The following SYNDIG1 variants were observed in gnomAD, a reference collection of about 807,000 sequenced individuals.
SYNDIG1 encodes the protein synapse differentiation inducing 1, also known as synapse differentiation-inducing gene protein 1.
Under a neutral mutation model 19.4 loss-of-function variants are expected in SYNDIG1, and 9 were observed. The observed-to-expected ratio is 0.46, with a 90% confidence interval of 0.28 to 0.81. SYNDIG1 has a LOEUF of 0.81. SYNDIG1 is among the 30% of genes least tolerant of loss of function. The pLI is 0.12. For synonymous variants in SYNDIG1, 141 were observed against 145.9 expected, an observed-to-expected ratio of 0.97 and a Z score of 0.24; for missense variants, 311 against 343.3, an observed-to-expected ratio of 0.91 and a Z score of 0.74.
intron 3 of SYNDIG1, among the ~76,000 whole-genome samples, chr20:24,640,481 G>GGAAGGAAA (rs2059364099): frequency 5.0e-5 from 2 of 39,912 alleles, no homozygotes; most frequent in African/African-American, 1.1e-4. Context: ...AAAGAAGGAA[G>GGAAGGAAA]GAAGGAAGGA....
intron 3 of SYNDIG1, among the ~76,000 whole-genome samples, chr20:24,646,990 T>C (rs2059428426): frequency 6.6e-6 from 1 of 152,206 alleles, no homozygotes; most frequent in African/African-American, 2.4e-5. Flanking sequence ...TGATAAACTA[T>C]TCAGCCTCAG....
intron 3 of SYNDIG1, among the ~76,000 whole-genome samples, chr20:24,625,013 A>G (rs1431305144): frequency 6.6e-6 from 1 of 152,254 alleles, no homozygotes; most frequent in Non-Finnish European, 1.5e-5. Flanking sequence ...ACATGAAAAT[A>G]TAATTTAAAA....
At chr20:24,526,918 G>A (rs1356420251) in intron 1 of SYNDIG1, among the ~76,000 whole-genome samples, 2 of 152,048 alleles carry the variant, frequency 1.3e-5, no homozygotes, top group Non-Finnish European at 2.9e-5. Flanking sequence ...TCTAGTTTTT[G>A]TTGCTATGTA....
rs551654793 is a variant in SYNDIG1, at chr20:24,646,683, G to A, written c.619-18663G>A. 6.6e-5 allele frequency among the ~76,000 whole-genome samples: 10 copies of A among 150,512 alleles called. No individual in the cohort carries two copies. The East Asian group carries it at 9.9e-4, about 15-fold the overall frequency. ...GTCACCGAGGCTGGAGTACAGTGGC[G>A]TGATGTCGGCTCTCTACAATGTCCG... On this transcript the variant is annotated intron_variant, in intron 3 of 3. Coordinates refer to ENST00000376862, the MANE Select transcript of SYNDIG1 (RefSeq NM_024893.3).
intron 1 of SYNDIG1, among the ~76,000 whole-genome samples, chr20:24,503,726 C>T (rs1337502018): frequency 6.6e-6 from 1 of 152,128 alleles, no homozygotes; most frequent in Non-Finnish European, 1.5e-5. Flanking sequence ...TGCTAACTTT[C>T]CTACAGCTCT....
At chr20:24,592,719 T>C (rs2058532456) in intron 3 of SYNDIG1, among the ~76,000 whole-genome samples, 1 of 152,180 alleles carries the variant, frequency 6.6e-6, no homozygotes, top group Non-Finnish European at 1.5e-5. Context: ...ACTCAACCTA[T>C]CCTCACACCT....
intron 2 of SYNDIG1, among the ~76,000 whole-genome samples, chr20:24,544,122 G>T (rs1334956711): frequency 1.3e-5 from 2 of 152,204 alleles, no homozygotes; most frequent in African/African-American, 4.8e-5. Context: ...TAGATGACTC[G>T]CTTCTTTAAT....
intron 1 of SYNDIG1, among the ~76,000 whole-genome samples, chr20:24,478,195 A>T (rs906014772): frequency 6.6e-6 from 1 of 152,240 alleles, no homozygotes; most frequent in Admixed American, 6.5e-5. Context: ...GCCTGTTTGG[A>T]TGTTGTCATG....
intron 2 of SYNDIG1, among the ~76,000 whole-genome samples, chr20:24,580,128 T>C (rs964820974): frequency 6.6e-5 from 10 of 152,194 alleles, no homozygotes; most frequent in African/African-American, 2.4e-4. Flanking sequence ...ATGTTTTCAG[T>C]CCGCAGATGT....
At chr20:24,636,403 C>T (rs2892216) in intron 3 of SYNDIG1, among the ~76,000 whole-genome samples, 28,628 of 152,088 alleles carry the variant, frequency 0.19, 3,616 homozygotes, top group Admixed American at 0.35. Flanking sequence ...GAGAGAGGGG[C>T]ACCTGAGTGG....
At chr20:24,558,855 T>A (rs1568640830) in intron 2 of SYNDIG1, among the ~76,000 whole-genome samples, 1 of 152,218 alleles carries the variant, frequency 6.6e-6, no homozygotes, top group African/African-American at 2.4e-5. Flanking sequence ...CATGTATGTA[T>A]TTCACAGGCA....
intron 3 of SYNDIG1, among the ~76,000 whole-genome samples, chr20:24,613,214 G>T (rs756156937): frequency 2.5e-4 from 38 of 152,282 alleles, no homozygotes; most frequent in Non-Finnish European, 4.0e-4. Context: ...CCAGCTATGT[G>T]ACCCTGGCCA....
chr20:24,608,208 G>A (rs550328064), intron 3 of SYNDIG1, among the ~76,000 whole-genome samples: 2 of 141,030 alleles, frequency 1.4e-5, no homozygotes, highest in Admixed American at 1.4e-4. Flanking sequence ...TTTTTTTTGA[G>A]ACAGTCTCGC....
intron 3 of SYNDIG1, among the ~76,000 whole-genome samples, chr20:24,603,967 T>C (rs777126969): frequency 6.6e-6 from 1 of 152,218 alleles, no homozygotes; most frequent in Non-Finnish European, 1.5e-5. Context: ...ACTGGGACTT[T>C]CCCAAACATC....
chr20:24,650,262 A>C (rs2059456956), intron 3 of SYNDIG1, among the ~76,000 whole-genome samples: 1 of 152,248 alleles, frequency 6.6e-6, no homozygotes, highest in Admixed American at 6.5e-5. Context: ...TGAACCAGCT[A>C]GAAAGCAGCG....
At chr20:24,648,998 A>T (rs1161883242) in intron 3 of SYNDIG1, among the ~76,000 whole-genome samples, 1 of 152,238 alleles carries the variant, frequency 6.6e-6, no homozygotes, top group African/African-American at 2.4e-5. Context: ...AAAGGTGAGC[A>T]AAAAGGTGAC....
chr20:24,519,859 CCCA>C (rs1456472615), intron 1 of SYNDIG1, among the ~76,000 whole-genome samples: 1 of 151,360 alleles, frequency 6.6e-6, no homozygotes, highest in Non-Finnish European at 1.5e-5. Flanking sequence ...ACACACACAC[CCCA>C]CCACCACCGC....
At chr20:24,607,848 G>T (rs2058782095) in intron 3 of SYNDIG1, among the ~76,000 whole-genome samples, 1 of 152,210 alleles carries the variant, frequency 6.6e-6, no homozygotes, top group Non-Finnish European at 1.5e-5. Flanking sequence ...TAAGTCAAGG[G>T]CAGTTATGTG....
chr20:24,562,542 A>C (rs1005748773), intron 2 of SYNDIG1, among the ~76,000 whole-genome samples: 1 of 152,258 alleles, frequency 6.6e-6, no homozygotes, highest in Non-Finnish European at 1.5e-5. Context: ...ATGTGCATCA[A>C]TAAAAGGCAT....
Sources: allele counts gnomAD v4.1 joint callset (sites outside exome capture counted in the v4.1 genomes callset), GRCh38; gene constraint gnomAD v4.1.1; transcripts MANE v1.5; gene names NCBI Gene and HGNC (gene_info 2026-07-23, HGNC 2026-07-21).